The following CNBD1 variants were observed in gnomAD, a reference collection of about 807,000 sequenced individuals.
The protein encoded by CNBD1 is cyclic nucleotide binding domain containing 1.
Under a neutral mutation model 54.4 loss-of-function variants are expected in CNBD1, and 71 were observed. The ratio of observed to expected loss-of-function variants is 1.30; its 90% CI spans 1.08 to 1.59. The LOEUF is 1.59. Among genes scored for constraint, CNBD1 ranks in the 40% most tolerant of loss-of-function variants. CNBD1 has a pLI of 0.00. For synonymous variants in CNBD1, 182 were observed against 170.7 expected (o/e 1.07, Z -0.51); for missense variants, 659 against 518.0 (o/e 1.27, Z -2.64).
intron 4 of CNBD1, among the ~76,000 whole-genome samples, chr8:87,113,584 A>G (rs556904247): frequency 3.3e-5 from 5 of 152,316 alleles, no homozygotes; most frequent in African/African-American, 1.2e-4. Flanking sequence ...ATCTAATTCT[A>G]TTTAACACAG....
chr8:86,936,917 G>A (rs1192753689), intron 3 of CNBD1, among the ~76,000 whole-genome samples: 1 of 152,124 alleles, frequency 6.6e-6, no homozygotes, highest in East Asian at 1.9e-4. Context: ...TCTACTAGCT[G>A]TGAGAGTTTA....
At chr8:87,040,706 G>A (rs753862321) in intron 4 of CNBD1, among the ~76,000 whole-genome samples, 3 of 151,728 alleles carry the variant, frequency 2.0e-5, no homozygotes, top group Non-Finnish European at 4.4e-5. Flanking sequence ...TGACAGGCGT[G>A]AGCCACTGCG....
At chr8:87,042,983 T>G (rs1810104765) in intron 4 of CNBD1, among the ~76,000 whole-genome samples, 4 of 152,168 alleles carry the variant, frequency 2.6e-5, no homozygotes, top group Admixed American at 2.6e-4. Flanking sequence ...GGGGCTGATG[T>G]TATGGGCAAT....
intron 4 of CNBD1, among the ~76,000 whole-genome samples, chr8:87,033,196 A>T (rs1222009592): frequency 1.3e-5 from 2 of 152,162 alleles, no homozygotes; most frequent in Non-Finnish European, 2.9e-5. Flanking sequence ...TTTCTTCCAC[A>T]GTATTGACAA....
chr8:87,000,603 G>C (rs570888568), intron 4 of CNBD1, among the ~76,000 whole-genome samples: 31 of 152,230 alleles, frequency 2.0e-4, no homozygotes, highest in African/African-American at 7.2e-4. Context: ...AAAGCACTTA[G>C]AACAGGTTTG....
At chr8:87,158,640 G>A (rs1262652375) in intron 4 of CNBD1, among the ~76,000 whole-genome samples, 1 of 152,090 alleles carries the variant, frequency 6.6e-6, no homozygotes, top group Admixed American at 6.6e-5. Context: ...CTCTGAGCCT[G>A]GGGGAGATGG....
At chr8:87,109,340 G>A (rs1188648159) in intron 4 of CNBD1, among the ~76,000 whole-genome samples, 4 of 151,980 alleles carry the variant, frequency 2.6e-5, no homozygotes, top group African/African-American at 4.8e-5. Context: ...GCACCAGATG[G>A]ATAATATTTT....
chr8:87,223,506 C>A (rs561751458), intron 5 of CNBD1, among the ~76,000 whole-genome samples: 1 of 149,240 alleles, frequency 6.7e-6, no homozygotes. Flanking sequence ...GTTTTTTGTT[C>A]TTGCGATAGT....
chr8:87,040,260 T>A (rs763341500), intron 4 of CNBD1, among the ~76,000 whole-genome samples: 4 of 152,222 alleles, frequency 2.6e-5, no homozygotes, highest in Admixed American at 6.5e-5. Flanking sequence ...ATTTGGGCTA[T>A]GCCCAGGAAT....
intron 10 of CNBD1, among the ~76,000 whole-genome samples, chr8:87,370,554 G>T (rs987754576): frequency 5.9e-5 from 9 of 152,030 alleles, no homozygotes; most frequent in African/African-American, 9.7e-5. Flanking sequence ...CATGTCCTTT[G>T]CCCACTTTTT....
intron 4 of CNBD1, among the ~76,000 whole-genome samples, chr8:87,031,834 A>G (rs111644097): frequency 0.03 from 4,593 of 152,146 alleles, 238 homozygotes; most frequent in African/African-American, 0.1. Flanking sequence ...TCCACCCCCC[A>G]GGTTCAAGCC....
intron 4 of CNBD1, among the ~76,000 whole-genome samples, chr8:87,009,357 G>C (rs1228625096): frequency 6.6e-6 from 1 of 151,990 alleles, no homozygotes; most frequent in Non-Finnish European, 1.5e-5. Flanking sequence ...CTGGAGTGCA[G>C]TGGAGTGATC....
intron 2 of CNBD1, among the ~76,000 whole-genome samples, chr8:86,901,653 G>C (rs1808934590): frequency 6.6e-6 from 1 of 152,082 alleles, no homozygotes; most frequent in South Asian, 2.1e-4. Context: ...TTTAGTTTAG[G>C]AACTCAGGCC....
At chr8:87,072,496 G>A (rs1563457588) in intron 4 of CNBD1, among the ~76,000 whole-genome samples, 1 of 152,186 alleles carries the variant, frequency 6.6e-6, no homozygotes, top group Middle Eastern at 3.2e-3. Context: ...TTGCAAGGCA[G>A]GCCTGGTGGT....
intron 4 of CNBD1, among the ~76,000 whole-genome samples, chr8:87,055,857 C>T (rs1167520872): frequency 6.8e-6 from 1 of 146,126 alleles, no homozygotes; most frequent in Non-Finnish European, 1.5e-5. Context: ...TCCTCCCTCC[C>T]TCCCTCCTTC....
intron 4 of CNBD1, among the ~76,000 whole-genome samples, chr8:87,147,552 C>T (rs918883515): frequency 4.0e-5 from 6 of 151,882 alleles, no homozygotes; most frequent in Non-Finnish European, 8.8e-5. Context: ...ATGTCTTATT[C>T]AATATTTAAA....
At chr8:87,183,951 A>G (rs764937189) in intron 4 of CNBD1, among the ~76,000 whole-genome samples, 3 of 152,194 alleles carry the variant, frequency 2.0e-5, no homozygotes, top group Non-Finnish European at 2.9e-5. Flanking sequence ...CAACACTCCA[A>G]TAAGGGCTGC....
chr8:87,371,241 G>C (rs1368460646), intron 10 of CNBD1, among the ~76,000 whole-genome samples: 1 of 151,962 alleles, frequency 6.6e-6, no homozygotes, highest in Non-Finnish European at 1.5e-5. Context: ...GAACTTTAAA[G>C]TAGTTTTTTC....
At chr8:87,167,984 G>C (rs1343045503) in intron 4 of CNBD1, among the ~76,000 whole-genome samples, 1 of 151,870 alleles carries the variant, frequency 6.6e-6, no homozygotes, top group Non-Finnish European at 1.5e-5. Flanking sequence ...TGTTACTATA[G>C]GTTATTGTAA....
Sources: gnomAD v4.1 joint callset for allele counts (sites outside exome capture counted in the v4.1 genomes callset) on GRCh38, gnomAD v4.1.1 for gene constraint, MANE v1.5 for transcripts, NCBI Gene and HGNC (gene_info 2026-07-23, HGNC 2026-07-21) for gene names.